RBMS2: variants seen among roughly 807,000 people sequenced by gnomAD.
The protein encoded by RBMS2 is RNA-binding motif, single-stranded-interacting protein 2.
In RBMS2, 38 loss-of-function variants were observed where a neutral mutation model predicts 58.4. The ratio of observed to expected loss-of-function variants is 0.65; its 90% confidence interval spans 0.50 to 0.85. RBMS2 has a LOEUF of 0.85. Among genes scored for constraint, RBMS2 ranks in the 40% least tolerant of loss-of-function variants. The pLI is 0.00. For synonymous variants in RBMS2, 151 were observed against 180.7 expected (o/e 0.84, Z 1.32); for missense variants, 367 against 503.7 (o/e 0.73, Z 2.60).
In RBMS2 at chr12:56,569,988, A is replaced by C. The variant is rs768895279; in HGVS notation, c.382A>C (p.Lys128Gln). 6.2e-7 allele frequency: 1 copy of C among 1,609,268 alleles called. No individual in the cohort carries two copies. The highest frequency in any genetic ancestry group is 1.7e-5 in the Admixed American group (1 of 59,994). Reference sequence around the variant, plus strand: ...CAGCGGTGTACAGGCACAGATGGCAAAGGTAAGGGTACTACCCCATGTCTG... The same window carrying C: ...CAGCGGTGTACAGGCACAGATGGCACAGGTAAGGGTACTACCCCATGTCTG... Reference protein sequence around the residue: ...KASGVQAQMAKQQEQDPTNLY... With the variant: ...KASGVQAQMAQQQEQDPTNLY... Residue 128 changes from lysine (K) to glutamine (Q), a missense_variant and splice_region_variant, in exon 4 of 14, where the codon AAG (lysine) becomes CAG (glutamine). Physicochemically the swap from Lys to Gln is moderately conservative, Grantham distance 53 (BLOSUM62 1). This residue lies in a region of RBMS2 where 54 missense variants were observed against 110.4 expected (regional missense o/e 0.49). Coordinates refer to ENST00000262031, the MANE Select transcript of RBMS2 (RefSeq NM_002898.4).
intron 1 of RBMS2, among the ~76,000 whole-genome samples, chr12:56,558,867 T>C (rs1879822712): frequency 6.6e-6 from 1 of 152,010 alleles, no homozygotes; most frequent in Admixed American, 6.6e-5. Context: ...CCCAATTTGC[T>C]GGGATTACAG....
In RBMS2 at chr12:56,577,511, G is replaced by A. The variant is rs895543868; in HGVS notation, c.543-3673G>A. ...TATTATTGAGACAGGGTCTCACTCG[G>A]TTGTGCAGGCTAGAGTGCATTGGTA... On this transcript the variant is annotated intron_variant, in intron 5 of 13. Transcript: ENST00000262031. Among the ~76,000 whole-genome samples, 18 of 150,038 alleles carry A rather than the reference G, an allele frequency of 1.2e-4. 1 individual carries two copies.
chr12:56,536,051 A>G (rs1341214205), intron 1 of RBMS2, among the ~76,000 whole-genome samples: 1 of 151,812 alleles, frequency 6.6e-6, no homozygotes, highest in African/African-American at 2.4e-5. Context: ...AAATACAAAA[A>G]TTAGCTGGGC....
intron 3 of RBMS2, among the ~76,000 whole-genome samples, chr12:56,569,456 G>A (rs1400402353): frequency 6.6e-6 from 1 of 152,166 alleles, no homozygotes; most frequent in Non-Finnish European, 1.5e-5. Flanking sequence ...AGAGTGGAAG[G>A]AAGAGAAAGG....
chr12:56,580,291 G>A (rs1163306211), intron 5 of RBMS2: 2 of 419,816 alleles, frequency 4.8e-6, no homozygotes, highest in Admixed American at 5.4e-5. Flanking sequence ...GGAGTGCAAT[G>A]GCGTGATCTC....
chr12:56,529,578 TAACAAC>T (rs963950117), intron 1 of RBMS2, among the ~76,000 whole-genome samples: 10 of 138,118 alleles, frequency 7.2e-5, no homozygotes, highest in Admixed American at 7.2e-5. Context: ...ACAACAACAA[TAACAAC>T]AACAACAACA....
At position 56,533,004 on chromosome 12, in the gene RBMS2, G is replaced by A. The variant is rs1274355560; in HGVS notation, c.66+10915G>A. On this transcript the variant is annotated intron_variant, in intron 1 of 13. Coordinates refer to ENST00000262031, the MANE Select transcript of RBMS2 (RefSeq NM_002898.4). The stretch of plus-strand genomic sequence containing the variant: ...GGCTGGAGTGCAGTGGCTCGATCGT[G>A]GCTCACTGCAGCCTCGACCTCCCTG... Among the ~76,000 whole-genome samples the A allele has an allele frequency of 2.6e-5, 4 of 151,292 alleles. No individual in the cohort carries two copies. In the East Asian group the frequency reaches 7.8e-4, roughly 30 times the overall value.
At position 56,594,658 on chromosome 12, in the gene RBMS2, TTC is replaced by T. The variant is rs1259153351; in HGVS notation, c.*5527_*5528del. On this transcript the variant is annotated 3_prime_UTR_variant, in exon 14 of 14. Coordinates refer to ENST00000262031, the MANE Select transcript of RBMS2 (RefSeq NM_002898.4). ...TGGCAGCTAAAACCAGACTGTGAGC[TTC>T]TGTCTCCGTTCTGATTTTTGCTGCA... The T allele has an allele frequency of 6.6e-6, 1 of 152,184 alleles. No homozygotes were observed. The highest frequency in any genetic ancestry group is 2.4e-5 in the African/African-American group (1 of 41,426). The allele number at this position is 152,184 out of a possible 1,614,324, so 9.4% of individuals were successfully genotyped here.
rs1882347803 is a variant in RBMS2 at position 56,571,867 on chromosome 12, A to T, written c.542+12A>T. 1 of 1,521,910 alleles carries T rather than the reference A, an allele frequency of 6.6e-7. No homozygotes were observed. Among genetic ancestry groups the T allele is most frequent in the African/African-American group, 1.4e-5 (1 of 71,668 alleles). The allele number at this position is 1,521,910 out of a possible 1,614,324, so 94.3% of individuals were successfully genotyped here. Reference sequence around the variant, plus strand: ...GTTGGCTTTGCAAGGTGAGGATGGCAGGAGTGGGGAAATGATGAGGTTAAT... The same window carrying T: ...GTTGGCTTTGCAAGGTGAGGATGGCTGGAGTGGGGAAATGATGAGGTTAAT... On this transcript the variant is annotated intron_variant, in intron 5 of 13. Coordinates refer to ENST00000262031, the MANE Select transcript of RBMS2 (RefSeq NM_002898.4).
intron 1 of RBMS2, among the ~76,000 whole-genome samples, chr12:56,547,909 C>T (rs1217544651): frequency 6.6e-6 from 1 of 151,814 alleles, no homozygotes; most frequent in African/African-American, 2.4e-5. Context: ...ACCTTGGCCT[C>T]CCAAAGTGCT....
At chr12:56,557,981 C>T (rs1288858183) in intron 1 of RBMS2, among the ~76,000 whole-genome samples, 1 of 148,438 alleles carries the variant, frequency 6.7e-6, no homozygotes, top group Non-Finnish European at 1.5e-5. Context: ...CAAGTGGATC[C>T]ACCCGCCTCA....
chr12:56,524,251 C>T (rs931778471), intron 1 of RBMS2, among the ~76,000 whole-genome samples: 9 of 152,160 alleles, frequency 5.9e-5, no homozygotes, highest in Middle Eastern at 3.4e-3. Context: ...TAGGTAGATA[C>T]ATAATTACTA....
At chr12:56,575,825 C>T (rs942362759) in intron 5 of RBMS2, among the ~76,000 whole-genome samples, 5 of 151,074 alleles carry the variant, frequency 3.3e-5, no homozygotes, top group East Asian at 3.9e-4. Flanking sequence ...ACCTGGGAGG[C>T]GGAGGTTACG....
chr12:56,520,767 A>G (rs757901927), upstream of RBMS2, among the ~76,000 whole-genome samples: 1 of 152,144 alleles, frequency 6.6e-6, no homozygotes, highest in African/African-American at 2.4e-5. Flanking sequence ...AGACAACTCA[A>G]AGCAGACATC....
At chr12:56,546,186 C>G (rs1459452367) in intron 1 of RBMS2, among the ~76,000 whole-genome samples, 1 of 150,658 alleles carries the variant, frequency 6.6e-6, no homozygotes, top group Non-Finnish European at 1.5e-5. Flanking sequence ...GGTGCGATCT[C>G]AGCTCACTGT....
At chr12:56,579,545 A>G (rs1883613615) in intron 5 of RBMS2, among the ~76,000 whole-genome samples, 2 of 151,852 alleles carry the variant, frequency 1.3e-5, no homozygotes, top group Non-Finnish European at 2.9e-5. Flanking sequence ...GAGGCAGGAG[A>G]ATGGTGTGAA....
At chr12:56,537,293 C>T (rs1353702333) in intron 1 of RBMS2, among the ~76,000 whole-genome samples, 10 of 152,238 alleles carry the variant, frequency 6.6e-5, no homozygotes, top group Non-Finnish European at 1.3e-4. Flanking sequence ...AACCCATCTC[C>T]AGAATTCTTT....
At chr12:56,553,091 A>AT (rs1395036445) in intron 1 of RBMS2, among the ~76,000 whole-genome samples, 1 of 150,790 alleles carries the variant, frequency 6.6e-6, no homozygotes, top group Non-Finnish European at 1.5e-5. Flanking sequence ...TAATTTTTGT[A>AT]TTTTTAGCAG....
At chr12:56,521,458 T>C (rs535284529), upstream of RBMS2, among the ~76,000 whole-genome samples, 1 of 140,348 alleles carries the variant, frequency 7.1e-6, no homozygotes, top group African/African-American at 2.6e-5. Flanking sequence ...ACTGTAAGTG[T>C]AAAGTAGGGG....
Sources: allele counts gnomAD v4.1 joint callset (sites outside exome capture counted in the v4.1 genomes callset), GRCh38; gene constraint gnomAD v4.1.1; regional missense constraint gnomAD v4.1.1; transcripts MANE v1.5; gene names NCBI Gene and HGNC (gene_info 2026-07-23, HGNC 2026-07-21).